The following MYO1B variants were observed in gnomAD, a reference collection of about 807,000 sequenced individuals.
MYO1B encodes unconventional myosin-Ib.
A neutral mutation model predicts 159.7 loss-of-function variants in MYO1B; 72 were observed. That is an observed-to-expected ratio of 0.45 (90% CI 0.37 to 0.55). MYO1B has a LOEUF of 0.55. MYO1B is among the 20% of genes least tolerant of loss of function. The pLI is 0.00. For synonymous variants in MYO1B, 468 were observed against 473.8 expected (o/e 0.99, Z 0.16); for missense variants, 1,062 against 1,364.8 (o/e 0.78, Z 3.50).
chr2:191,296,166 A>C lies in MYO1B; in HGVS notation c.191A>C (p.Tyr64Ser). The change falls in exon 3 of 31, where the codon TAT becomes TCT. Residue 64 changes from tyrosine (Y) to serine (S), a missense_variant. This residue lies in a region of MYO1B where 415 missense variants were observed against 544.0 expected (regional missense o/e 0.76). Coordinates refer to ENST00000392318, the MANE Select transcript of MYO1B (RefSeq NM_001130158.3). ...AACCCATACCGGTCTTTACCCATTT[A>C]TTCACCAGAGAAAGTGGAAGAATAC... is the stretch of plus-strand genomic sequence containing the variant. ...SVNPYRSLPIYSPEKVEEYRN... is the reference protein window; with the variant it reads ...SVNPYRSLPISSPEKVEEYRN... The C allele has an allele frequency of 6.2e-7, 1 of 1,610,688 alleles. No homozygotes were observed.
chr2:191,416,308 G>A (rs1448999880), intron 30 of MYO1B, 66 bp downstream of exon 30: 28 of 1,573,006 alleles, frequency 1.8e-5, no homozygotes, highest in Admixed American at 3.4e-5. Flanking sequence ...TTCAGCTCTC[G>A]ATCTCATTCA....
chr2:191,347,816 C>T (rs914352084), intron 6 of MYO1B, among the ~76,000 whole-genome samples: 4 of 152,164 alleles, frequency 2.6e-5, no homozygotes, highest in Admixed American at 1.3e-4. Flanking sequence ...TACTACTGTA[C>T]CTAACAGTGG....
intron 2 of MYO1B, among the ~76,000 whole-genome samples, chr2:191,282,848 T>G (rs1688144031): frequency 6.6e-6 from 1 of 152,204 alleles, no homozygotes; most frequent in Non-Finnish European, 1.5e-5. Flanking sequence ...CCTGTTAACA[T>G]GAAATGCCTA....
In MYO1B at chr2:191,360,779, T is replaced by TGTA. The variant is rs781713911; in HGVS notation, c.661+52_661+53insAGT. ...TTGTTGTTGTTGTTGTTGTTGTTGT[T>TGTA]GTTGTTGTTGGAGCTGGGAGTCTCA... On this transcript the variant is annotated intron_variant, in intron 8 of 30. Transcript: ENST00000392318. 21 of 1,363,300 alleles carry TGTA rather than the reference T, an allele frequency of 1.5e-5. No homozygotes were observed. In the African/African-American group the frequency reaches 2.3e-4, roughly 15 times the overall value. The allele number at this position is 1,363,300 out of a possible 1,614,324, so 84.5% of individuals were successfully genotyped here.
intron 18 of MYO1B, among the ~76,000 whole-genome samples, chr2:191,391,117 CTG>C (rs1695722976): frequency 1.3e-5 from 2 of 152,236 alleles, no homozygotes; most frequent in Admixed American, 6.5e-5. Context: ...GCAGAGAGAA[CTG>C]TGTACTGACG....
intron 1 of MYO1B, among the ~76,000 whole-genome samples, chr2:191,251,661 C>T (rs1275335645): frequency 6.6e-6 from 1 of 152,136 alleles, no homozygotes; most frequent in East Asian, 1.9e-4. Flanking sequence ...TTGTACATTA[C>T]AGGTTTTTAA....
At chr2:191,324,619 T>C (rs976963557) in intron 3 of MYO1B, among the ~76,000 whole-genome samples, 3 of 152,158 alleles carry the variant, frequency 2.0e-5, no homozygotes, top group African/African-American at 2.4e-5. Context: ...TTGTCATTTA[T>C]TTTGAAAGGC....
intron 21 of MYO1B, among the ~76,000 whole-genome samples, chr2:191,397,492 A>G: frequency 1.3e-5 from 2 of 152,110 alleles, no homozygotes; most frequent in Non-Finnish European, 2.9e-5. Context: ...CACGTTTCAG[A>G]GAGCACAGGG....
Position 191,364,149 on chromosome 2 carries a change from T to A in MYO1B, c.914-9T>A. Reference sequence around the variant, plus strand: ...TCACTTTTTGTGTCCATCCCCTGCCTTCCCACAGAGTTAAAAGAAATTTGT... The same window carrying A: ...TCACTTTTTGTGTCCATCCCCTGCCATCCCACAGAGTTAAAAGAAATTTGT... On this transcript the variant is annotated splice_polypyrimidine_tract_variant and intron_variant, in intron 10 of 30. Coordinates refer to ENST00000392318, the MANE Select transcript of MYO1B (RefSeq NM_001130158.3). 5 of 1,610,998 alleles carry A rather than the reference T, an allele frequency of 3.1e-6. No homozygotes were observed. Among genetic ancestry groups the A allele is most frequent in the Non-Finnish European group, 4.2e-6 (5 of 1,177,302 alleles).
chr2:191,393,483 T>C (rs757556335), intron 20 of MYO1B, among the ~76,000 whole-genome samples: 4 of 152,224 alleles, frequency 2.6e-5, no homozygotes, highest in Non-Finnish European at 5.9e-5. Context: ...AAGTTCAGTG[T>C]GCCATACCGC....
Position 191,276,980 on chromosome 2 carries a change from G to A in MYO1B, c.85G>A (p.Glu29Lys). ...GGTTCTTTTAGAACCTCTCAATGAGGAGACCTTCATCAACAACCTCAAGAA... is the reference window on the plus strand; with the variant it reads ...GGTTCTTTTAGAACCTCTCAATGAGAAGACCTTCATCAACAACCTCAAGAA... The part of the protein sequence containing the change: ...DMVLLEPLNE[E>K]TFINNLKKRF... The change falls in exon 2 of 31, where the codon GAG (glutamate) becomes AAG (lysine). Residue 29 changes from glutamate (E) to lysine (K), a missense_variant. By Grantham distance (56) the Glu-to-Lys change is moderately conservative. Transcript: ENST00000392318. The A allele has an allele frequency of 2.5e-6, 4 of 1,613,976 alleles. No homozygotes were observed. In the East Asian group the frequency reaches 8.9e-5, roughly 36 times the overall value.
intron 24 of MYO1B, among the ~76,000 whole-genome samples, chr2:191,406,245 T>A (rs1455554392): frequency 2.0e-5 from 3 of 152,252 alleles, no homozygotes; most frequent in Admixed American, 2.0e-4. Flanking sequence ...GCTGGTTTGA[T>A]CTTATATCTA....
At chr2:191,326,768 A>ATATG (rs1289550930) in intron 3 of MYO1B, among the ~76,000 whole-genome samples, 1 of 109,122 alleles carries the variant, frequency 9.2e-6, no homozygotes, top group Non-Finnish European at 1.9e-5. Context: ...GTGTTTGTAT[A>ATATG]TATGTGTGTG....
chr2:191,340,388 T>G (rs1692138638), intron 4 of MYO1B, among the ~76,000 whole-genome samples: 1 of 152,200 alleles, frequency 6.6e-6, no homozygotes, highest in Non-Finnish European at 1.5e-5. Context: ...AAATATCTAT[T>G]AACATTTCTT....
intron 13 of MYO1B, chr2:191,371,178 C>G (rs1269924791): frequency 6.6e-6 from 1 of 152,130 alleles, no homozygotes; most frequent in Non-Finnish European, 1.5e-5. Flanking sequence ...TCGGGCTCCT[C>G]CTTTCTTAAT....
chr2:191,335,245 A>G (rs528903980), intron 4 of MYO1B, among the ~76,000 whole-genome samples: 2 of 152,248 alleles, frequency 1.3e-5, no homozygotes, highest in East Asian at 1.9e-4. Context: ...ATGGAACCCA[A>G]CAGCTTCTCC....
chr2:191,421,918 A>G (rs1187375263), intron 30 of MYO1B, among the ~76,000 whole-genome samples: 2 of 152,240 alleles, frequency 1.3e-5, no homozygotes, highest in African/African-American at 4.8e-5. Flanking sequence ...TGAATCTGGA[A>G]CTATAGCTGT....
intron 3 of MYO1B, among the ~76,000 whole-genome samples, chr2:191,301,931 A>G (rs145053329): frequency 2.6e-5 from 4 of 152,242 alleles, no homozygotes; most frequent in African/African-American, 9.6e-5. Context: ...TGGGCTCCCT[A>G]TTACTCCCAG....
chr2:191,300,457 C>CCT (rs1242623212), intron 3 of MYO1B, among the ~76,000 whole-genome samples: 16 of 151,538 alleles, frequency 1.1e-4, no homozygotes, highest in Non-Finnish European at 2.2e-4. Context: ...AATTCTCCTG[C>CCT]CTCAGCCTCC....
Sources: gnomAD v4.1 joint callset for allele counts (sites outside exome capture counted in the v4.1 genomes callset) on GRCh38, gnomAD v4.1.1 for gene constraint, gnomAD v4.1.1 regional missense constraint, MANE v1.5 for transcripts, NCBI Gene and HGNC (gene_info 2026-07-23, HGNC 2026-07-21) for gene names.